SUMF1: variants seen among roughly 807,000 people sequenced by gnomAD.
The protein encoded by SUMF1 is formylglycine-generating enzyme.
Under a neutral mutation model 47.6 loss-of-function variants are expected in SUMF1, and 48 were observed. That is an observed-to-expected ratio of 1.01 (90% CI 0.80 to 1.28). The LOEUF (loss-of-function observed/expected upper bound fraction) is 1.28. SUMF1 is among the 50% of genes most tolerant of loss of function. The pLI, the probability that SUMF1 is intolerant of heterozygous loss-of-function variation, is 0.00. For synonymous variants in SUMF1, 230 were observed against 192.1 expected, an observed-to-expected ratio of 1.20 and a Z score of -1.63; for missense variants, 571 against 485.4, an observed-to-expected ratio of 1.18 and a Z score of -1.66.
intron 8 of SUMF1, among the ~76,000 whole-genome samples, chr3:4,085,588 A>T (rs909784542): frequency 6.6e-6 from 1 of 152,134 alleles, no homozygotes; most frequent in African/African-American, 2.4e-5. Context: ...GTCTTAAAGT[A>T]TTGAGAAACA....
intron 6 of SUMF1, among the ~76,000 whole-genome samples, chr3:4,414,161 G>C (rs1412519084): frequency 6.6e-6 from 1 of 152,126 alleles, no homozygotes; most frequent in Non-Finnish European, 1.5e-5. Context: ...CACCGCACCT[G>C]GCCCCAAACA....
intron 3 of SUMF1, among the ~76,000 whole-genome samples, chr3:4,434,919 C>T (rs1702347978): frequency 6.6e-6 from 1 of 152,098 alleles, no homozygotes; most frequent in African/African-American, 2.4e-5. Flanking sequence ...TTGGAATTAT[C>T]AAAGACTTTA....
intron 8 of SUMF1, among the ~76,000 whole-genome samples, chr3:4,194,720 A>G (rs760958294): frequency 5.3e-5 from 8 of 152,194 alleles, no homozygotes; most frequent in Non-Finnish European, 1.2e-4. Flanking sequence ...TGTTATCATC[A>G]TTACCAGAAT....
At chr3:4,039,728 A>G (rs1213343565) in intron 9 of SUMF1, among the ~76,000 whole-genome samples, 1 of 152,090 alleles carries the variant, frequency 6.6e-6, no homozygotes, top group East Asian at 1.9e-4. Flanking sequence ...GTTAATTATA[A>G]TGTTTTGTAT....
Position 4,078,554 on chromosome 3 carries a change from T to C in SUMF1, c.1015-9809A>G, listed in dbSNP as rs533701231. Among the ~76,000 whole-genome samples the C allele has an allele frequency of 3.3e-5, 5 of 151,022 alleles. 1 individual carries two copies. In the South Asian group the frequency reaches 6.3e-4, roughly 19 times the overall value. On this transcript the variant is annotated intron_variant and NMD_transcript_variant, in intron 8 of 12. Transcript: ENST00000448413. ...CAATATTTATATGGTGCTAATTATA[T>C]GCCAGGTGCTATTTTTAAATGATTT...
intron 8 of SUMF1, among the ~76,000 whole-genome samples, chr3:4,136,748 C>G: frequency 2.7e-5 from 4 of 149,934 alleles, no homozygotes; most frequent in East Asian, 2.0e-4. Context: ...TATCCAGAAT[C>G]TACAATGAAC....
At chr3:4,341,162 C>T (rs143616112) in intron 8 of SUMF1, among the ~76,000 whole-genome samples, 1 of 151,978 alleles carries the variant, frequency 6.6e-6, no homozygotes, top group East Asian at 1.9e-4. Context: ...GCATTATTGC[C>T]AGAAAGTACA....
intron 8 of SUMF1, among the ~76,000 whole-genome samples, chr3:4,095,544 G>A (rs1473145026): frequency 6.6e-6 from 1 of 152,084 alleles, no homozygotes; most frequent in Non-Finnish European, 1.5e-5. Flanking sequence ...AAACATTGAT[G>A]TTTTCTGCCA....
intron 8 of SUMF1, among the ~76,000 whole-genome samples, chr3:4,214,550 T>C (rs1242044477): frequency 4.6e-5 from 7 of 151,706 alleles, no homozygotes; most frequent in Admixed American, 4.6e-4. Flanking sequence ...AAGAAATAAC[T>C]AAGATCAGAG....
chr3:4,374,884 G>A (rs779244387), intron 8 of SUMF1, among the ~76,000 whole-genome samples: 5 of 151,982 alleles, frequency 3.3e-5, no homozygotes, highest in Admixed American at 6.6e-5. Context: ...ATTTTAGGCC[G>A]GGCACAGTGG....
At chr3:4,315,276 A>C (rs942009916) in intron 8 of SUMF1, among the ~76,000 whole-genome samples, 5 of 152,112 alleles carry the variant, frequency 3.3e-5, no homozygotes, top group Admixed American at 2.6e-4. Context: ...TCACAAGCTC[A>C]CCTAATAACT....
chr3:4,356,424 TGGGGACAGC>T (rs1699619518), downstream of SUMF1, among the ~76,000 whole-genome samples: 1 of 151,584 alleles, frequency 6.6e-6, no homozygotes, highest in African/African-American at 2.4e-5. Context: ...GGGGACAGCG[TGGGGACAGC>T]GTGGGGACAG....
intron 3 of SUMF1, among the ~76,000 whole-genome samples, chr3:4,430,758 G>A (rs1378407966): frequency 6.6e-6 from 1 of 152,082 alleles, no homozygotes; most frequent in Non-Finnish European, 1.5e-5. Flanking sequence ...ATGAGCTATG[G>A]GAGCCAAAGG....
intron 8 of SUMF1, among the ~76,000 whole-genome samples, chr3:4,074,649 A>C (rs1692378253): frequency 6.6e-6 from 1 of 152,116 alleles, no homozygotes; most frequent in Admixed American, 6.5e-5. Context: ...AAAAATGATA[A>C]AGGGGATATT....
intron 9 of SUMF1, among the ~76,000 whole-genome samples, chr3:4,047,314 C>T (rs1195023628): frequency 2.0e-5 from 3 of 152,102 alleles, no homozygotes; most frequent in Non-Finnish European, 4.4e-5. Context: ...GGGACCTTAC[C>T]TAACTTCTTT....
At chr3:4,279,868 A>G (rs1026358058) in intron 8 of SUMF1, among the ~76,000 whole-genome samples, 5 of 152,144 alleles carry the variant, frequency 3.3e-5, no homozygotes, top group African/African-American at 1.2e-4. Context: ...ACACACCAAA[A>G]AACTGCATGT....
intron 8 of SUMF1, among the ~76,000 whole-genome samples, chr3:4,146,846 T>C (rs1423098545): frequency 6.6e-6 from 1 of 152,088 alleles, no homozygotes; most frequent in Non-Finnish European, 1.5e-5. Flanking sequence ...TTCATCCATG[T>C]CCCTAAAAAG....
At chr3:4,432,800 T>G (rs1702275664) in intron 3 of SUMF1, among the ~76,000 whole-genome samples, 1 of 152,204 alleles carries the variant, frequency 6.6e-6, no homozygotes, top group South Asian at 2.1e-4. Context: ...AGGATTTAGA[T>G]CTAGTTATCT....
intron 8 of SUMF1, among the ~76,000 whole-genome samples, chr3:4,174,991 G>A (rs1027914908): frequency 6.6e-6 from 1 of 152,180 alleles, no homozygotes; most frequent in African/African-American, 2.4e-5. Context: ...AGGGGCGTCT[G>A]CCATTGCCAA....
Sources: gnomAD v4.1 joint callset for allele counts (sites outside exome capture counted in the v4.1 genomes callset) on GRCh38, gnomAD v4.1.1 for gene constraint, MANE v1.5 for transcripts, NCBI Gene and HGNC (gene_info 2026-07-23, HGNC 2026-07-21) for gene names.